Variants in IKZF3 observed in about 807,000 individuals in gnomAD.
The protein encoded by IKZF3 is zinc finger protein Aiolos.
IKZF3 carries 10 observed loss-of-function variants against 49.0 expected under a neutral mutation model. That is an observed-to-expected ratio of 0.20 (90% CI 0.13 to 0.35). The LOEUF is 0.35. Ranked by LOEUF, IKZF3 falls within the 10% of genes least tolerant of loss-of-function variation. The probability of loss-of-function intolerance (pLI) is 1.00; values close to 1 mark genes in which losing one functional copy is unlikely to be tolerated. For missense variants in IKZF3, 498 were observed against 664.8 expected (o/e 0.75, Z 2.76); for synonymous variants, 209 against 228.2 (o/e 0.92, Z 0.76).
intron 3 of IKZF3, among the ~76,000 whole-genome samples, chr17:39,807,544 A>ATTTTTTTTTTTTT (rs890371023): frequency 1.2e-5 from 1 of 80,782 alleles, no homozygotes; most frequent in Non-Finnish European, 2.2e-5. Flanking sequence ...GACTATTTAA[A>ATTTTTTTTTTTTT]TTTTTTTTTT....
At chr17:39,826,650 A>G (rs2144258188) in intron 3 of IKZF3, among the ~76,000 whole-genome samples, 1 of 152,340 alleles carries the variant, frequency 6.6e-6, no homozygotes, top group East Asian at 1.9e-4. Flanking sequence ...AAAGTAGGAC[A>G]TGTCAATGCT....
intron 5 of IKZF3, among the ~76,000 whole-genome samples, chr17:39,789,963 A>C (rs2060976909): frequency 6.6e-6 from 1 of 152,154 alleles, no homozygotes; most frequent in Non-Finnish European, 1.5e-5. Flanking sequence ...TAAATGTCTA[A>C]GATGAAGGAA....
At chr17:39,788,424 A>G in intron 5 of IKZF3, 50 bp from the exon 6 acceptor site, 1 of 1,183,774 alleles carries the variant, frequency 8.4e-7, no homozygotes, top group Non-Finnish European at 1.3e-6. Context: ...GGTTCCACAC[A>G]GGTCAGGTAT....
intron 1 of IKZF3, chr17:39,839,641 T>C: frequency 2.8e-6 from 1 of 357,488 alleles, no homozygotes; most frequent in Non-Finnish European, 5.3e-6. Context: ...TGGAGTGCAG[T>C]GGTATGATTT....
intron 3 of IKZF3, among the ~76,000 whole-genome samples, chr17:39,806,563 G>A (rs1399666628): frequency 1.3e-5 from 2 of 152,148 alleles, no homozygotes; most frequent in Non-Finnish European, 2.9e-5. Context: ...TGCTAGAATG[G>A]CTACTATAAA....
Position 39,760,016 on chromosome 17 carries a change from C to G in IKZF3, c.*5774G>C, listed in dbSNP as rs2060143324. On this transcript the variant is annotated 3_prime_UTR_variant, in exon 8 of 8. Coordinates refer to ENST00000346872, the MANE Select transcript of IKZF3 (RefSeq NM_012481.5). ...CAGGCTCTTTCACATCTTGAGTGTC[C>G]CAGAGTTTCCAAATCTCTGCTAGAG... 1 of 152,044 alleles carries G rather than the reference C, an allele frequency of 6.6e-6. No homozygotes were observed. Among genetic ancestry groups the G allele is most frequent in the Non-Finnish European group, 1.5e-5 (1 of 68,024 alleles). 9.4% of individuals were successfully genotyped at this position (152,044 alleles called of 1,614,324 possible). A position where few individuals can be genotyped will look rare whatever the true frequency, so the allele number is the denominator to read the frequency against.
Position 39,761,414 on chromosome 17 carries a change from G to C in IKZF3, c.*4376C>G, listed in dbSNP as rs2060180218. Reference sequence around the variant, plus strand: ...AAGTACCGATGCAACACTTCAGGTAGTGACAGAAAACATTTGGAGAGCTGG... The same window carrying C: ...AAGTACCGATGCAACACTTCAGGTACTGACAGAAAACATTTGGAGAGCTGG... On this transcript the variant is annotated 3_prime_UTR_variant, in exon 8 of 8. Transcript: ENST00000346872. 4 of 151,278 alleles carry C rather than the reference G, an allele frequency of 2.6e-5. No individual in the cohort carries two copies. In the South Asian group the frequency reaches 8.4e-4, roughly 32 times the overall value. The allele number at this position is 151,278 out of a possible 1,614,324, so 9.4% of individuals were successfully genotyped here. A position where few individuals can be genotyped will look rare whatever the true frequency, so the allele number is the denominator to read the frequency against.
At chr17:39,773,109 C>T (rs1459203567) in intron 7 of IKZF3, among the ~76,000 whole-genome samples, 3 of 152,224 alleles carry the variant, frequency 2.0e-5, no homozygotes, top group Non-Finnish European at 4.4e-5. Flanking sequence ...GCCACTGCAC[C>T]TGGCCTCTCC....
intron 3 of IKZF3, among the ~76,000 whole-genome samples, chr17:39,816,905 G>T (rs111350959): frequency 1.2e-4 from 18 of 152,244 alleles, no homozygotes; most frequent in Admixed American, 9.2e-4. Context: ...GTAGAGACGG[G>T]GTTTCACCAT....
intron 3 of IKZF3, among the ~76,000 whole-genome samples, chr17:39,801,190 G>A (rs1231612927): frequency 6.6e-6 from 1 of 152,078 alleles, no homozygotes; most frequent in Non-Finnish European, 1.5e-5. Flanking sequence ...TACAAGGATC[G>A]GGGGTCATAA....
At chr17:39,858,040 A>G (rs2063115402) in intron 1 of IKZF3, among the ~76,000 whole-genome samples, 1 of 152,192 alleles carries the variant, frequency 6.6e-6, no homozygotes, top group Non-Finnish European at 1.5e-5. Context: ...TAGGTGTATT[A>G]ATCAACAAAA....
At position 39,763,637 on chromosome 17, in the gene IKZF3, C is replaced by T. The variant is rs149262106; in HGVS notation, c.*2153G>A. The stretch of plus-strand genomic sequence containing the variant: ...CACAACTCAGTGGTTAAAGGAAAAA[C>T]TTAACACACCATTTTCATACCAAAG... On this transcript the variant is annotated 3_prime_UTR_variant, in exon 8 of 8. Transcript: ENST00000346872. 23 of 152,286 alleles carry T rather than the reference C, an allele frequency of 1.5e-4. No homozygotes were observed. The highest frequency in any genetic ancestry group is 5.5e-4 in the African/African-American group (23 of 41,544). 9.4% of individuals were successfully genotyped at this position (152,286 alleles called of 1,614,324 possible).
chr17:39,757,721 C>A lies in IKZF3; in HGVS notation c.*8069G>T, dbSNP rs950170475. 3 of 152,174 alleles carry A rather than the reference C, an allele frequency of 2.0e-5. No homozygotes were observed. The highest frequency in any genetic ancestry group is 4.4e-5 in the Non-Finnish European group (3 of 68,026). The allele number at this position is 152,174 out of a possible 1,614,324, so 9.4% of individuals were successfully genotyped here. A position where few individuals can be genotyped will look rare whatever the true frequency, so the allele number is the denominator to read the frequency against. On this transcript the variant is annotated 3_prime_UTR_variant, in exon 8 of 8. Transcript: ENST00000346872. ...GATAAGGATGCACAAGGACTAATTT[C>A]AAACATACCAGGATTTTTTTATTTT...
intron 3 of IKZF3, among the ~76,000 whole-genome samples, chr17:39,821,141 G>C (rs774022700): frequency 1.3e-5 from 2 of 152,168 alleles, no homozygotes; most frequent in Non-Finnish European, 2.9e-5. Context: ...TGGAAGAAGT[G>C]TGGGTCACCT....
At chr17:39,853,851 A>AGGCG (rs1555644086) in intron 1 of IKZF3, among the ~76,000 whole-genome samples, 3 of 149,548 alleles carry the variant, frequency 2.0e-5, no homozygotes, top group African/African-American at 7.4e-5. Context: ...AAAAAAAGGA[A>AGGCG]GAACACGGTG....
At chr17:39,802,536 G>A (rs1348128360) in intron 3 of IKZF3, among the ~76,000 whole-genome samples, 3 of 151,522 alleles carry the variant, frequency 2.0e-5, no homozygotes, top group African/African-American at 4.9e-5. Context: ...GAACTCAGGA[G>A]GTCAAGGCTG....
intron 7 of IKZF3, among the ~76,000 whole-genome samples, chr17:39,773,343 C>T (rs1259048798): frequency 6.6e-6 from 1 of 152,212 alleles, no homozygotes; most frequent in Admixed American, 6.5e-5. Flanking sequence ...CCCAAAAATA[C>T]TATGACATTG....
chr17:39,840,767 C>T lies in IKZF3; in HGVS notation c.8-8616G>A, dbSNP rs539852866. On this transcript the variant is annotated intron_variant, in intron 1 of 7. Transcript: ENST00000346872. ...GCAGCTTGGCATGGGATGTCAAAAT[C>T]CAAGCTGGATGAGAAAAATGTCCAT... is the stretch of plus-strand genomic sequence containing the variant. 1.8e-3 allele frequency among the ~76,000 whole-genome samples: 270 copies of T among 152,244 alleles called. 1 individual carries two copies. Among genetic ancestry groups the T allele is most frequent in the Non-Finnish European group, 3.4e-3 (232 of 67,998 alleles).
intron 7 of IKZF3, among the ~76,000 whole-genome samples, chr17:39,767,688 C>G (rs1316464366): frequency 6.6e-6 from 1 of 152,106 alleles, no homozygotes; most frequent in African/African-American, 2.4e-5. Context: ...ATTGGAAGAA[C>G]CAGTTCCTGT....
Sources: allele counts gnomAD v4.1 joint callset (sites outside exome capture counted in the v4.1 genomes callset), GRCh38; gene constraint gnomAD v4.1.1; transcripts MANE v1.5; gene names NCBI Gene and HGNC (gene_info 2026-07-23, HGNC 2026-07-21).